The following ADAMTSL1 variants were observed in gnomAD, a reference collection of about 807,000 sequenced individuals.
ADAMTSL1 encodes ADAMTS-like protein 1.
ADAMTSL1 carries 126 observed loss-of-function variants against 201.8 expected under a neutral mutation model. The observed-to-expected ratio is 0.62, with a 90% CI of 0.54 to 0.72. ADAMTSL1 has a LOEUF of 0.72. ADAMTSL1 is among the 30% of genes least tolerant of loss of function. The pLI is 0.00. For missense variants in ADAMTSL1, 2,679 were observed against 2,277.8 expected, an observed-to-expected ratio of 1.18 and a Z score of -3.59; for synonymous variants, 1,121 against 903.4, an observed-to-expected ratio of 1.24 and a Z score of -4.32.
chr9:18,622,689 T>A, intron 5 of ADAMTSL1: 1 of 508,570 alleles, frequency 2.0e-6, no homozygotes, highest in Admixed American at 3.5e-5. Flanking sequence ...TCCTGCGTGA[T>A]GTGTAGTGTG....
At chr9:18,608,348 A>C (rs1291507888) in intron 4 of ADAMTSL1, among the ~76,000 whole-genome samples, 4 of 152,184 alleles carry the variant, frequency 2.6e-5, no homozygotes, top group African/African-American at 9.6e-5. Context: ...CTAATTAGAT[A>C]TATGCTGTGT....
intron 3 of ADAMTSL1, among the ~76,000 whole-genome samples, chr9:18,545,001 C>G (rs1820389603): frequency 1.3e-5 from 2 of 152,148 alleles, no homozygotes; most frequent in South Asian, 4.1e-4. Context: ...GCTCCACGAG[C>G]TTAGGCAGAC....
rs1221865899 is a variant in ADAMTSL1 at position 18,183,823 on chromosome 9, C to A, written c.207+19842C>A. Among the ~76,000 whole-genome samples, 8 of 152,188 alleles carry A rather than the reference C, an allele frequency of 5.3e-5. No individual in the cohort carries two copies. In the East Asian group the frequency reaches 1.5e-3, roughly 29 times the overall value. ...GGACGTAACTTTACTATTCTAATTA[C>A]AGCTTGAAGATTCTTGTATGGATAA... On this transcript the variant is annotated intron_variant, in intron 2 of 29. Coordinates refer to the ADAMTSL1 transcript ENST00000680146.
chr9:18,454,132 A>T (rs1459825932), intron 2 of ADAMTSL1, among the ~76,000 whole-genome samples: 1 of 152,214 alleles, frequency 6.6e-6, no homozygotes, highest in Non-Finnish European at 1.5e-5. Context: ...AGCATAGCTC[A>T]GTCTAAGTCT....
At chr9:18,847,189 C>G (rs559775554) in intron 23 of ADAMTSL1, among the ~76,000 whole-genome samples, 1 of 152,204 alleles carries the variant, frequency 6.6e-6, no homozygotes, top group South Asian at 2.1e-4. Flanking sequence ...GCTCTATAGG[C>G]TGCACAGGAA....
At chr9:18,505,965 A>G (rs1166082451) in intron 2 of ADAMTSL1, among the ~76,000 whole-genome samples, 3 of 152,234 alleles carry the variant, frequency 2.0e-5, no homozygotes, top group African/African-American at 7.2e-5. Flanking sequence ...TAGAAGCCCG[A>G]TAGATGGTTC....
intron 26 of ADAMTSL1, among the ~76,000 whole-genome samples, chr9:18,893,654 C>T (rs1829435675): frequency 6.6e-6 from 1 of 152,218 alleles, no homozygotes. Flanking sequence ...TGAGGCATTA[C>T]AGATTGCAGA....
chr9:18,762,795 C>T (rs369863345), intron 16 of ADAMTSL1, among the ~76,000 whole-genome samples: 49 of 152,252 alleles, frequency 3.2e-4, no homozygotes, highest in African/African-American at 1.1e-3. Flanking sequence ...ACATAATAAC[C>T]TCCAGTTCCA....
intron 2 of ADAMTSL1, among the ~76,000 whole-genome samples, chr9:18,419,870 C>T (rs968192139): frequency 6.6e-6 from 1 of 151,758 alleles, no homozygotes; most frequent in Non-Finnish European, 1.5e-5. Context: ...GCTGGGACTA[C>T]AGGCGCACGC....
At chr9:18,871,010 G>A (rs1047723262) in intron 23 of ADAMTSL1, among the ~76,000 whole-genome samples, 1 of 152,094 alleles carries the variant, frequency 6.6e-6, no homozygotes, top group African/African-American at 2.4e-5. Context: ...CCAGTTGTTA[G>A]TATACTTCTA....
At chr9:18,282,710 C>G (rs1352813231) in intron 2 of ADAMTSL1, among the ~76,000 whole-genome samples, 1 of 152,100 alleles carries the variant, frequency 6.6e-6, no homozygotes, top group Non-Finnish European at 1.5e-5. Flanking sequence ...CCAGCCTGAC[C>G]AACATGGAGA....
At chr9:17,919,627 C>T (rs563462856) in intron 1 of ADAMTSL1, among the ~76,000 whole-genome samples, 91 of 152,104 alleles carry the variant, frequency 6.0e-4, no homozygotes, top group African/African-American at 2.1e-3. Context: ...TAAGGTTTAT[C>T]CAAGTTGTAG....
chr9:18,358,927 T>C (rs565887961), intron 2 of ADAMTSL1, among the ~76,000 whole-genome samples: 1 of 152,298 alleles, frequency 6.6e-6, no homozygotes, highest in Admixed American at 6.5e-5. Flanking sequence ...GTAGCGATTA[T>C]TGTAATTTTC....
chr9:18,531,532 T>C (rs868216655), intron 2 of ADAMTSL1, among the ~76,000 whole-genome samples: 5 of 152,316 alleles, frequency 3.3e-5, no homozygotes, highest in Middle Eastern at 3.4e-3. Context: ...TAATGCATAG[T>C]AATAGTCAGT....
intron 23 of ADAMTSL1, among the ~76,000 whole-genome samples, chr9:18,886,211 T>TACACACACACACAC (rs33989297): frequency 9.4e-6 from 1 of 105,900 alleles, no homozygotes; most frequent in African/African-American, 4.1e-5. Flanking sequence ...TATATATATA[T>TACACACACACACAC]ACACACACAT....
chr9:18,804,468 G>A (rs532621663), intron 20 of ADAMTSL1, among the ~76,000 whole-genome samples: 1 of 152,256 alleles, frequency 6.6e-6, no homozygotes, highest in Non-Finnish European at 1.5e-5. Flanking sequence ...AAAAGACATT[G>A]GGAAGGAAAA....
Position 18,168,118 on chromosome 9 carries a change from G to GT in ADAMTSL1, c.207+4147dup, listed in dbSNP as rs907753143. On this transcript the variant is annotated intron_variant, in intron 2 of 29. Transcript: ENST00000680146. ...TGACCATTATATTTTTTCTTAACTA[G>GT]TTTTTTTTTTAATACTTTAAGTTTT... Among the ~76,000 whole-genome samples, 113 of 149,408 alleles carry GT rather than the reference G, an allele frequency of 7.6e-4. No homozygotes were observed. In the South Asian group the frequency reaches 0.012, roughly 16 times the overall value.
chr9:18,035,951 T>C (rs1245288381), intron 1 of ADAMTSL1, among the ~76,000 whole-genome samples: 1 of 152,194 alleles, frequency 6.6e-6, no homozygotes, highest in East Asian at 1.9e-4. Context: ...CAAATAGATT[T>C]GGTCCTTACC....
intron 1 of ADAMTSL1, among the ~76,000 whole-genome samples, chr9:18,071,041 C>A (rs768183344): frequency 5.9e-5 from 9 of 152,054 alleles, no homozygotes; most frequent in Non-Finnish European, 1.2e-4. Flanking sequence ...AGGGAGGGGT[C>A]AGGGGACTAA....
Sources: allele counts gnomAD v4.1 joint callset (sites outside exome capture counted in the v4.1 genomes callset), GRCh38; gene constraint gnomAD v4.1.1; transcripts MANE v1.5; gene names NCBI Gene and HGNC (gene_info 2026-07-23, HGNC 2026-07-21).